The following ELOVL7 variants were observed in gnomAD, a reference collection of about 807,000 sequenced individuals.
The protein encoded by ELOVL7 is ELOVL fatty acid elongase 7, also known as very long chain fatty acid elongase 7.
A neutral mutation model predicts 35.7 loss-of-function variants in ELOVL7; 27 were observed. The observed-to-expected ratio is 0.76, with a 90% confidence interval of 0.56 to 1.04. ELOVL7 has a LOEUF of 1.04. Ranked by LOEUF, ELOVL7 falls within the 50% of genes least tolerant of loss-of-function variation. ELOVL7 has a pLI of 0.00. For missense variants in ELOVL7, 327 were observed against 340.8 expected (o/e 0.96, Z 0.32); for synonymous variants, 113 against 114.6 (o/e 0.99, Z 0.09).
Position 60,787,532 on chromosome 5 carries a change from A to G in ELOVL7, c.-34-101T>C. The G allele has an allele frequency of 4.8e-6, 3 of 627,980 alleles. No homozygotes were observed. In the South Asian group the frequency reaches 7.0e-5, roughly 15 times the overall value. The allele number at this position is 627,980 out of a possible 1,614,324, so 38.9% of individuals were successfully genotyped here. A position where few individuals can be genotyped will look rare whatever the true frequency, so the allele number is the denominator to read the frequency against. ...TTAAAATGCTAAAAATTTAATATGA[A>G]TAACTGGCAAGACAACAAACTCCCA... On this transcript the variant is annotated intron_variant, in intron 2 of 8. Coordinates refer to ENST00000508821, the MANE Select transcript of ELOVL7 (RefSeq NM_024930.3).
At chr5:60,809,355 G>A (rs1745119314) in intron 1 of ELOVL7, among the ~76,000 whole-genome samples, 1 of 152,116 alleles carries the variant, frequency 6.6e-6, no homozygotes, top group African/African-American at 2.4e-5. Flanking sequence ...ATCAAACCCA[G>A]GCCCCAAGGA....
At chr5:60,761,315 C>T (rs1468772542) in intron 7 of ELOVL7, among the ~76,000 whole-genome samples, 1 of 152,046 alleles carries the variant, frequency 6.6e-6, no homozygotes, top group Non-Finnish European at 1.5e-5. Flanking sequence ...TCATCCTATT[C>T]AAAAGAATAG....
intron 3 of ELOVL7, among the ~76,000 whole-genome samples, chr5:60,773,837 A>C (rs1415701483): frequency 6.6e-6 from 1 of 152,266 alleles, no homozygotes; most frequent in Non-Finnish European, 1.5e-5. Context: ...TGCTGGGTTA[A>C]ACAAACAGGT....
At chr5:60,828,268 T>C (rs903947795) in intron 1 of ELOVL7, among the ~76,000 whole-genome samples, 2 of 152,160 alleles carry the variant, frequency 1.3e-5, no homozygotes, top group African/African-American at 2.4e-5. Context: ...ATTCTCTCTG[T>C]TACATCCTCA....
chr5:60,798,930 A>C (rs1030664397), intron 2 of ELOVL7, among the ~76,000 whole-genome samples: 5 of 152,240 alleles, frequency 3.3e-5, no homozygotes, highest in Non-Finnish European at 7.3e-5. Flanking sequence ...TACACAGAAC[A>C]TTCTCCATGA....
intron 1 of ELOVL7, among the ~76,000 whole-genome samples, chr5:60,835,082 C>A (rs980560939): frequency 6.7e-6 from 1 of 150,072 alleles, no homozygotes; most frequent in Non-Finnish European, 1.5e-5. Flanking sequence ...CCCAGTTACA[C>A]GGGAGACTGA....
At chr5:60,768,711 G>C (rs1372052297) in intron 4 of ELOVL7, 2 of 455,812 alleles carry the variant, frequency 4.4e-6, no homozygotes, top group Non-Finnish European at 8.8e-6. Flanking sequence ...AAAGCCAAGG[G>C]CTCTGATTTT....
intron 1 of ELOVL7, among the ~76,000 whole-genome samples, chr5:60,827,997 A>G (rs1746272347): frequency 1.3e-5 from 1 of 75,034 alleles, no homozygotes; most frequent in Non-Finnish European, 2.8e-5. Context: ...CAAGTCCTCA[A>G]TTTCCCACAT....
intron 3 of ELOVL7, among the ~76,000 whole-genome samples, chr5:60,779,584 T>C (rs1743113636): frequency 6.6e-6 from 1 of 152,102 alleles, no homozygotes; most frequent in South Asian, 2.1e-4. Context: ...GGGCATCAAG[T>C]CCCTAGGCTG....
At chr5:60,841,303 G>A (rs1430598563) in intron 1 of ELOVL7, among the ~76,000 whole-genome samples, 2 of 152,124 alleles carry the variant, frequency 1.3e-5, no homozygotes, top group African/African-American at 2.4e-5. Flanking sequence ...TGGGATTACA[G>A]GGGCGAACCA....
In ELOVL7 at chr5:60,799,781, T is replaced by C. The variant is rs139566690; in HGVS notation, c.-85-551A>G. Among the ~76,000 whole-genome samples, 1,031 of 152,312 alleles carry C rather than the reference T, an allele frequency of 6.8e-3. 79 individuals are homozygous for C. The East Asian group carries it at 0.15, about 22-fold the overall frequency. ...GACCGGGTGTGGTGGCTCATGCCTG[T>C]AATCCCAGCACTTTGGGAGGCTGAG... On this transcript the variant is annotated intron_variant, in intron 1 of 8. Coordinates refer to ENST00000508821, the MANE Select transcript of ELOVL7 (RefSeq NM_024930.3).
At chr5:60,781,289 T>C (rs192105139) in intron 3 of ELOVL7, among the ~76,000 whole-genome samples, 1 of 152,040 alleles carries the variant, frequency 6.6e-6, no homozygotes, top group East Asian at 1.9e-4. Context: ...CACCTTTGCA[T>C]GGTGGGAGTT....
At chr5:60,764,895 G>A (rs561272781) in intron 6 of ELOVL7, among the ~76,000 whole-genome samples, 5 of 152,204 alleles carry the variant, frequency 3.3e-5, no homozygotes, top group South Asian at 2.1e-4. Flanking sequence ...ATGAGAAGGC[G>A]AAGGAAGGTA....
chr5:60,763,383 A>G (rs910338453), intron 7 of ELOVL7, among the ~76,000 whole-genome samples: 7 of 152,198 alleles, frequency 4.6e-5, no homozygotes, highest in Non-Finnish European at 8.8e-5. Flanking sequence ...GAGTTCCTCA[A>G]TTGTGGTTCC....
At chr5:60,813,654 T>C (rs1402872994) in intron 1 of ELOVL7, among the ~76,000 whole-genome samples, 3 of 152,184 alleles carry the variant, frequency 2.0e-5, no homozygotes, top group Non-Finnish European at 4.4e-5. Context: ...AATTTTTTTT[T>C]TTCAGTTAAC....
At chr5:60,813,105 G>A (rs539916229) in intron 1 of ELOVL7, among the ~76,000 whole-genome samples, 13 of 152,196 alleles carry the variant, frequency 8.5e-5, no homozygotes, top group Non-Finnish European at 1.5e-4. Context: ...ATCCCAAAAG[G>A]AACTCATCTT....
At position 60,754,458 on chromosome 5, in the gene ELOVL7, T is replaced by A; in HGVS notation, c.*166A>T. On this transcript the variant is annotated 3_prime_UTR_variant, in exon 9 of 9. Transcript: ENST00000508821. The stretch of plus-strand genomic sequence containing the variant: ...GTAGGCTCTAATTATCAGAAGACTG[T>A]TATCTGGAAGCTTCGGGCTCTCAAA... 1.6e-6 allele frequency: 1 copy of A among 630,662 alleles called. No individual in the cohort carries two copies. The highest frequency in any genetic ancestry group is 2.7e-6 in the Non-Finnish European group (1 of 367,862). 39.1% of individuals were successfully genotyped at this position (630,662 alleles called of 1,614,324 possible). A position where few individuals can be genotyped will look rare whatever the true frequency, so the allele number is the denominator to read the frequency against.
chr5:60,754,474 G>A lies in ELOVL7; in HGVS notation c.*150C>T. On this transcript the variant is annotated 3_prime_UTR_variant, in exon 9 of 9. Transcript: ENST00000508821. ...AGAAGACTGTTATCTGGAAGCTTCG[G>A]GCTCTCAAATATCAGACATCCCAAT... The A allele has an allele frequency of 1.5e-6, 1 of 659,252 alleles. No individual in the cohort carries two copies. The allele number at this position is 659,252 out of a possible 1,614,324, so 40.8% of individuals were successfully genotyped here. A position where few individuals can be genotyped will look rare whatever the true frequency, so the allele number is the denominator to read the frequency against.
intron 1 of ELOVL7, among the ~76,000 whole-genome samples, chr5:60,830,973 C>T (rs1220159812): frequency 6.6e-6 from 1 of 152,142 alleles, no homozygotes; most frequent in South Asian, 2.1e-4. Context: ...GCTGCTAATT[C>T]ACATATGGGC....
Sources: allele counts gnomAD v4.1 joint callset (sites outside exome capture counted in the v4.1 genomes callset), GRCh38; gene constraint gnomAD v4.1.1; transcripts MANE v1.5; gene names NCBI Gene and HGNC (gene_info 2026-07-23, HGNC 2026-07-21).